Variants in BUB1 observed in about 807,000 individuals in gnomAD.
The protein encoded by BUB1 is BUB1 mitotic checkpoint serine/threonine kinase.
In BUB1, 84 loss-of-function variants were observed where a neutral mutation model predicts 135.2. The observed-to-expected ratio is 0.62, with a 90% CI of 0.52 to 0.74. The LOEUF (loss-of-function observed/expected upper bound fraction) is 0.74, where lower values mean the gene tolerates loss of function less well. Among genes scored for constraint, BUB1 ranks in the 30% least tolerant of loss-of-function variants. The pLI is 0.00. For synonymous variants in BUB1, 403 were observed against 434.4 expected (o/e 0.93, Z 0.90); for missense variants, 1,162 against 1,288.3 (o/e 0.90, Z 1.50).
chr2:110,660,100 G>A, intron 10 of BUB1, 64 bp from the exon 11 acceptor site: 2 of 1,391,414 alleles, frequency 1.4e-6, no homozygotes, highest in Admixed American at 3.4e-5. Context: ...TGGGTGCGGT[G>A]GTGGCTCACG....
At chr2:110,658,971 G>T (rs184296268) in intron 11 of BUB1, among the ~76,000 whole-genome samples, 1 of 152,352 alleles carries the variant, frequency 6.6e-6, no homozygotes, top group Non-Finnish European at 1.5e-5. Flanking sequence ...AATGAAGGCT[G>T]AGAGAGATTG....
At chr2:110,661,421 G>A in intron 10 of BUB1, 161 bp downstream of exon 10, 1 of 799,544 alleles carries the variant, frequency 1.3e-6, no homozygotes, top group Non-Finnish European at 1.9e-6. Context: ...AGGATTGGGA[G>A]CAATGTTTTG....
At position 110,667,857 on chromosome 2, in the gene BUB1, A is replaced by C; in HGVS notation, c.568-8T>G. On this transcript the variant is annotated splice_polypyrimidine_tract_variant and splice_region_variant and intron_variant, in intron 6 of 24. Coordinates refer to ENST00000302759, the MANE Select transcript of BUB1 (RefSeq NM_004336.5). ...TCCAGAAAGCTCTGAACCCTAAAAA[A>C]CAGAAAACAAACATGAGCATTCACT... The C allele has an allele frequency of 6.2e-7, 1 of 1,610,930 alleles. No individual in the cohort carries two copies. The highest frequency in any genetic ancestry group is 8.5e-7 in the Non-Finnish European group (1 of 1,179,270).
chr2:110,661,978 T>C, intron 9 of BUB1, 137 bp from the exon 10 acceptor site: 5 of 1,001,290 alleles, frequency 5.0e-6, no homozygotes, highest in Non-Finnish European at 7.2e-6. Context: ...CCATACTCCT[T>C]CTTCAAGCAT....
Position 110,664,425 on chromosome 2 carries a change from G to A in BUB1, c.957+1838C>T, listed in dbSNP as rs1008862434. 4.1e-4 allele frequency among the ~76,000 whole-genome samples: 63 copies of A among 152,156 alleles called. 1 individual carries two copies. Among genetic ancestry groups the A allele is most frequent in the Admixed American group, 1.3e-4 (2 of 15,268 alleles). On this transcript the variant is annotated intron_variant, in intron 9 of 24. Transcript: ENST00000302759. ...TAGCGCAAGCCAAAAAACAATGAAG[G>A]AGTGTCTTTAAAAACTCTGAGGGAA...
intron 1 of BUB1, chr2:110,676,576 C>G (rs1329346355): frequency 3.3e-5 from 5 of 152,110 alleles, no homozygotes. Flanking sequence ...TTGTCAACAA[C>G]CTGTGTTGAC....
chr2:110,639,725 C>G lies in BUB1; in HGVS notation c.3062+17G>C. Reference sequence around the variant, plus strand: ...TAGTTATTCTCTTTTCACTACAGCACCAATGCTAATACTCACCTTCTAAAA... The same window carrying G: ...TAGTTATTCTCTTTTCACTACAGCAGCAATGCTAATACTCACCTTCTAAAA... On this transcript the variant is annotated intron_variant, in intron 24 of 24. Transcript: ENST00000302759. 1 of 1,557,370 alleles carries G rather than the reference C, an allele frequency of 6.4e-7. No individual in the cohort carries two copies. Among genetic ancestry groups the G allele is most frequent in the Non-Finnish European group, 8.9e-7 (1 of 1,128,630 alleles).
At chr2:110,669,342 A>T (rs1690354253) in intron 6 of BUB1, 111 bp downstream of exon 6, 1 of 768,740 alleles carries the variant, frequency 1.3e-6, no homozygotes, top group Non-Finnish European at 2.2e-6. Flanking sequence ...GCTCAGAGCC[A>T]TGAAGAGAAA....
At chr2:110,654,160 T>A (rs1689860525) in intron 16 of BUB1, among the ~76,000 whole-genome samples, 1 of 152,154 alleles carries the variant, frequency 6.6e-6, no homozygotes, top group African/African-American at 2.4e-5. Flanking sequence ...TACACCCAGC[T>A]TCAGGAGAAC....
At chr2:110,665,831 T>C (rs934682229) in intron 9 of BUB1, 2 of 153,222 alleles carry the variant, frequency 1.3e-5, no homozygotes, top group Non-Finnish European at 2.9e-5. Context: ...TTATTTCCAA[T>C]CTCCTTCATT....
chr2:110,649,212 A>T, intron 19 of BUB1, 22 bp downstream of exon 19: 1 of 1,599,360 alleles, frequency 6.3e-7, no homozygotes, highest in Middle Eastern at 1.7e-4. Context: ...ATTTAAAGTT[A>T]TATTATCCAA....
intron 5 of BUB1, among the ~76,000 whole-genome samples, chr2:110,670,281 G>A (rs767532875): frequency 1.6e-4 from 25 of 151,850 alleles, no homozygotes; most frequent in Non-Finnish European, 2.8e-4. Flanking sequence ...CAGGACTACA[G>A]ATGCCCACCA....
At chr2:110,649,072 C>CA (rs1689714633) in intron 19 of BUB1, 162 bp downstream of exon 19, 1 of 587,034 alleles carries the variant, frequency 1.7e-6, no homozygotes, top group East Asian at 3.1e-5. Context: ...ATCCTACAAT[C>CA]ATGGCTTAAC....
chr2:110,649,369 C>T lies in BUB1; in HGVS notation c.2212G>A (p.Val738Ile). 2 of 1,423,054 alleles carry T rather than the reference C, an allele frequency of 1.4e-6. No individual in the cohort carries two copies. Among genetic ancestry groups the T allele is most frequent in the Non-Finnish European group, 9.2e-7 (1 of 1,082,162 alleles). The allele number at this position is 1,423,054 out of a possible 1,614,324, so 88.2% of individuals were successfully genotyped here. A position where few individuals can be genotyped will look rare whatever the true frequency, so the allele number is the denominator to read the frequency against. The stretch of plus-strand genomic sequence containing the variant: ...AGCTTATCATCCCATGGGTTCCCAA[C>T]AATGAAGTCTTAAAGGAATGAGAAA... Reference protein sequence around the residue: ...LGTVDAPNFIVGNPWDDKLIF... With the variant: ...LGTVDAPNFIIGNPWDDKLIF... The change falls in exon 19 of 25, where the codon GTT (valine) becomes ATT (isoleucine). Residue 738 changes from valine (V) to isoleucine (I), a missense_variant. Coordinates refer to ENST00000302759, the MANE Select transcript of BUB1 (RefSeq NM_004336.5).
At chr2:110,645,585 ATGTGTGTGTG>A (rs141013722) in intron 19 of BUB1, among the ~76,000 whole-genome samples, 3 of 146,608 alleles carry the variant, frequency 2.0e-5, no homozygotes, top group Admixed American at 1.4e-4. Context: ...CGTTACGTGT[ATGTGTGTGTG>A]TGTGTGTGTG....
chr2:110,651,085 C>G (rs1013113972), intron 17 of BUB1, among the ~76,000 whole-genome samples: 1 of 152,060 alleles, frequency 6.6e-6, no homozygotes, highest in Non-Finnish European at 1.5e-5. Context: ...TGCATCTATG[C>G]GACACTACTA....
intron 16 of BUB1, 61 bp from the exon 17 acceptor site, chr2:110,653,584 C>G: frequency 7.4e-6 from 10 of 1,350,604 alleles, no homozygotes; most frequent in Non-Finnish European, 1.1e-6. Context: ...ACAACACACA[C>G]CATTTGATAT....
intron 9 of BUB1, 101 bp from the exon 10 acceptor site, chr2:110,661,942 T>C (rs1690112318): frequency 7.1e-7 from 1 of 1,400,032 alleles, no homozygotes; most frequent in African/African-American, 1.4e-5. Context: ...CTGTCTTCAA[T>C]GGATTCCTTT....
rs565136758 is a variant in BUB1 at position 110,658,317 on chromosome 2, C to T, written c.1516+93G>A. The stretch of plus-strand genomic sequence containing the variant: ...CCCTGCCTTTATGTGACAAGCTAAT[C>T]AAGGGCAGGGTCACCTCTTAAATAA... On this transcript the variant is annotated intron_variant, in intron 13 of 24. Transcript: ENST00000302759. The T allele has an allele frequency of 1.2e-4, 123 of 1,015,718 alleles. No homozygotes were observed. In the South Asian group the frequency reaches 1.9e-3, roughly 16 times the overall value. 62.9% of individuals were successfully genotyped at this position (1,015,718 alleles called of 1,614,324 possible).
Sources: gnomAD v4.1 joint callset for allele counts (sites outside exome capture counted in the v4.1 genomes callset) on GRCh38, gnomAD v4.1.1 for gene constraint, MANE v1.5 for transcripts, NCBI Gene and HGNC (gene_info 2026-07-23, HGNC 2026-07-21) for gene names.